The following PHF24 variants were observed in gnomAD, a reference collection of about 807,000 sequenced individuals.
PHF24 encodes PHD finger protein 24, also known as Galpha inhibitory interacting protein.
In PHF24, 25 loss-of-function variants were observed where a neutral mutation model predicts 42.6. The observed-to-expected ratio is 0.59, with a 90% CI of 0.43 to 0.82. The LOEUF is 0.82. Ranked by LOEUF, PHF24 falls within the 40% of genes least tolerant of loss-of-function variation. The probability of loss-of-function intolerance (pLI) is 0.00; values close to 1 mark genes in which losing one functional copy is unlikely to be tolerated. For synonymous variants in PHF24, 185 were observed against 204.8 expected (o/e 0.90, Z 0.83); for missense variants, 470 against 538.1 (o/e 0.87, Z 1.25).
chr9:34,730,134 C>T, the PHF24 span, among the ~76,000 whole-genome samples: 3 of 152,046 alleles, frequency 2.0e-5, no homozygotes, highest in East Asian at 1.9e-4. Context: ...GGTTAGTGGC[C>T]GCTTCTGACT....
chr9:34,708,949 C>T, the PHF24 span: 16,076 of 188,416 alleles, frequency 0.085, 1,939 homozygotes, highest in African/African-American at 0.29. Context: ...AGTGTGTGAC[C>T]CCACCCTGTA....
chr9:34,906,147 T>C, the PHF24 span, among the ~76,000 whole-genome samples: 3 of 151,984 alleles, frequency 2.0e-5, no homozygotes, highest in Non-Finnish European at 1.5e-5. Flanking sequence ...TGGAAAAAAA[T>C]AGACTCTGAA....
At chr9:34,790,440 T>TA in the PHF24 span, among the ~76,000 whole-genome samples, 2 of 151,732 alleles carry the variant, frequency 1.3e-5, no homozygotes, top group African/African-American at 4.9e-5. Context: ...TTTTATTTTT[T>TA]AAAAAAAATG....
At chr9:34,731,341 C>A in the PHF24 span, among the ~76,000 whole-genome samples, 9 of 152,034 alleles carry the variant, frequency 5.9e-5, no homozygotes, top group Non-Finnish European at 1.2e-4. Context: ...TGACTGTAAC[C>A]ACCCTGTTGT....
chr9:34,977,979 C>T (rs143691523), intron 7 of PHF24, 36 bp from the exon 8 acceptor site: 6 of 1,545,444 alleles, frequency 3.9e-6, no homozygotes, highest in Middle Eastern at 1.7e-4. Flanking sequence ...TGTCTTCAAA[C>T]CAGCCTCACG....
the PHF24 span, among the ~76,000 whole-genome samples, chr9:34,883,934 T>C: frequency 6.6e-6 from 1 of 152,252 alleles, no homozygotes; most frequent in Non-Finnish European, 1.5e-5. Context: ...ATTGCAGCAC[T>C]ATTCACAATA....
At chr9:34,736,917 TGAGA>T in the PHF24 span, among the ~76,000 whole-genome samples, 20 of 152,168 alleles carry the variant, frequency 1.3e-4, no homozygotes, top group Admixed American at 1.0e-3. Context: ...ATTTCAAAAA[TGAGA>T]GAGAGATAAA....
the PHF24 span, among the ~76,000 whole-genome samples, chr9:34,871,085 C>T: frequency 6.6e-6 from 1 of 152,208 alleles, no homozygotes; most frequent in Admixed American, 6.5e-5. Context: ...GTGCCTGTTG[C>T]TTCCACATCC....
At chr9:34,731,792 G>A in the PHF24 span, among the ~76,000 whole-genome samples, 1 of 151,982 alleles carries the variant, frequency 6.6e-6, no homozygotes, top group Admixed American at 6.6e-5. Context: ...CCTTTCTTTT[G>A]GTTATTGGTT....
the PHF24 span, among the ~76,000 whole-genome samples, chr9:34,830,325 A>C: frequency 2.0e-5 from 3 of 152,230 alleles, no homozygotes; most frequent in African/African-American, 7.2e-5. Context: ...TTTGCCTTAA[A>C]ATCATTCTTT....
the PHF24 span, among the ~76,000 whole-genome samples, chr9:34,816,208 C>G: frequency 6.6e-6 from 1 of 152,168 alleles, no homozygotes; most frequent in African/African-American, 2.4e-5. Context: ...GAAAATACAG[C>G]TGATCCAGTT....
chr9:34,979,246 A>G (rs985677663), exon 8 of PHF24: 7 of 132,310 alleles, frequency 5.3e-5, no homozygotes, highest in Admixed American at 3.2e-4. Context: ...AGGTCCTGGG[A>G]AAGCCTTACA....
the PHF24 span, among the ~76,000 whole-genome samples, chr9:34,840,594 A>G: frequency 2.0e-5 from 3 of 151,572 alleles, no homozygotes; most frequent in Middle Eastern, 3.4e-3. Context: ...CAGTGACACA[A>G]TCATAGCTCA....
chr9:34,728,350 C>T, the PHF24 span, among the ~76,000 whole-genome samples: 1 of 152,190 alleles, frequency 6.6e-6, no homozygotes, highest in Non-Finnish European at 1.5e-5. Context: ...AAATGACTTC[C>T]ACAGGGTCAT....
At chr9:34,955,450 G>A (rs1407495784), upstream of PHF24, among the ~76,000 whole-genome samples, 1 of 152,148 alleles carries the variant, frequency 6.6e-6, no homozygotes, top group Admixed American at 6.5e-5. Flanking sequence ...GTCGAGGCAG[G>A]GAGATCACCT....
At chr9:34,857,607 A>T in the PHF24 span, among the ~76,000 whole-genome samples, 2 of 152,132 alleles carry the variant, frequency 1.3e-5, no homozygotes, top group African/African-American at 2.4e-5. Flanking sequence ...TTTCCTCACT[A>T]TCTGTGGGGT....
At chr9:34,828,632 G>T in the PHF24 span, among the ~76,000 whole-genome samples, 1 of 152,116 alleles carries the variant, frequency 6.6e-6, no homozygotes, top group Non-Finnish European at 1.5e-5. Context: ...TGTCACAGAG[G>T]ATCTCTATGT....
chr9:34,729,157 G>T, the PHF24 span: 1 of 1,156,870 alleles, frequency 8.6e-7, no homozygotes, highest in Non-Finnish European at 1.2e-6. Context: ...GAGAAGAAAA[G>T]TATTACACAA....
At chr9:34,853,653 CCCG>C in the PHF24 span, among the ~76,000 whole-genome samples, 1 of 151,548 alleles carries the variant, frequency 6.6e-6, no homozygotes, top group South Asian at 2.1e-4. Flanking sequence ...ACGGTGAAAC[CCCG>C]TCTCTACTAA....
Sources: gnomAD v4.1 joint callset for allele counts (sites outside exome capture counted in the v4.1 genomes callset) on GRCh38, gnomAD v4.1.1 for gene constraint, MANE v1.5 for transcripts, NCBI Gene and HGNC (gene_info 2026-07-23, HGNC 2026-07-21) for gene names.